CRLF1: variants seen among roughly 807,000 people sequenced by gnomAD.
CRLF1 encodes the protein cytokine receptor like factor 1, also known as cytokine receptor-like factor 1.
A neutral mutation model predicts 48.9 loss-of-function variants in CRLF1; 36 were observed. The ratio of observed to expected loss-of-function variants is 0.74; its 90% confidence interval spans 0.56 to 0.97. The LOEUF (loss-of-function observed/expected upper bound fraction) is 0.97. CRLF1 is among the 50% of genes least tolerant of loss of function. The pLI is 0.00. For synonymous variants in CRLF1, 256 were observed against 253.4 expected, an observed-to-expected ratio of 1.01 and a Z score of -0.10; for missense variants, 534 against 575.1, an observed-to-expected ratio of 0.93 and a Z score of 0.73.
chr19:18,593,478 C>T lies in CRLF1; in HGVS notation c.*88G>A. The T allele has an allele frequency of 6.3e-7, 1 of 1,576,598 alleles. No individual in the cohort carries two copies. The highest frequency in any genetic ancestry group is 8.6e-7 in the Non-Finnish European group (1 of 1,159,094). ...CTCCTGCTGAGGGTGGCTCAGGTGC[C>T]CTGAAGTGAGGGTACAGAGGTGGCC... On this transcript the variant is annotated 3_prime_UTR_variant, in exon 9 of 9. Transcript: ENST00000392386.
In CRLF1 at chr19:18,596,653, G is replaced by C; in HGVS notation, c.993C>G (p.Ser331Arg). Residue 331 changes from serine to arginine, a missense_variant, in exon 6 of 9, where the codon AGC becomes AGG. This residue lies in a region of CRLF1 where 528 missense variants were observed against 555.7 expected (regional missense o/e 0.95). Coordinates refer to ENST00000392386, the MANE Select transcript of CRLF1 (RefSeq NM_004750.5). The part of the protein sequence containing the change: ...SKKAGIWSEW[S>R]HPTAASTPRS... ...GGGGAGTGGAGGCGGCTGTGGGGTG[G>C]CTCCACTCACTCCAGATCCCGGCTT... The C allele has an allele frequency of 6.2e-7, 1 of 1,613,838 alleles. No homozygotes were observed.
rs572284857 is a variant in CRLF1 at position 18,593,493 on chromosome 19, C to A, written c.*73G>T. ...GCTCAGGTGCCCTGAAGTGAGGGTA[C>A]AGAGGTGGCCCCAGTTTGGGTTCGG... On this transcript the variant is annotated 3_prime_UTR_variant, in exon 9 of 9. Transcript: ENST00000392386. The A allele has an allele frequency of 1.1e-5, 18 of 1,595,086 alleles. No individual in the cohort carries two copies. In the East Asian group the frequency reaches 4.1e-4, roughly 36 times the overall value.
At chr19:18,605,078 G>A (rs1847497235) in intron 1 of CRLF1, among the ~76,000 whole-genome samples, 2 of 152,136 alleles carry the variant, frequency 1.3e-5, no homozygotes. Flanking sequence ...GAAACATATT[G>A]CCGAGGTGTG....
intron 1 of CRLF1, among the ~76,000 whole-genome samples, chr19:18,603,951 G>A (rs1341458090): frequency 3.3e-5 from 5 of 152,228 alleles, no homozygotes; most frequent in South Asian, 4.1e-4. Flanking sequence ...CCAGCCGCCC[G>A]CTAATTCGGA....
Position 18,599,638 on chromosome 19 carries a change from C to T in CRLF1, c.324G>A (p.Gln108=). ...GGCACACGAGGTTGTCCCCCGACCGCTGCCTGGACCCATTGAGGTTGGCCA... is the reference window on the plus strand; with the variant it reads ...GGCACACGAGGTTGTCCCCCGACCGTTGCCTGGACCCATTGAGGTTGGCCA... The part of the protein sequence containing the change: ...LALANLNGSR[Q]RSGDNLVCHA... The change falls in exon 2 of 9, where the codon CAG becomes CAA. Residue 108 remains glutamine (Q), a synonymous_variant. Coordinates refer to ENST00000392386, the MANE Select transcript of CRLF1 (RefSeq NM_004750.5). The T allele has an allele frequency of 6.2e-7, 1 of 1,613,528 alleles. No homozygotes were observed. The highest frequency in any genetic ancestry group is 8.5e-7 in the Non-Finnish European group (1 of 1,179,982).
At position 18,594,361 on chromosome 19, in the gene CRLF1, C is replaced by T; in HGVS notation, c.1098G>A (p.Glu366=). 3 of 1,610,450 alleles carry T rather than the reference C, an allele frequency of 1.9e-6. No homozygotes were observed. The highest frequency in any genetic ancestry group is 2.5e-6 in the Non-Finnish European group (3 of 1,178,836). The change falls in exon 7 of 9, where the codon GAG becomes GAA. Residue 366 remains glutamate, a synonymous_variant. Coordinates refer to ENST00000392386, the MANE Select transcript of CRLF1 (RefSeq NM_004750.5). ...GEPSSGPVRR[E]LKQFLGWLKK... ...TGAGCCAGCCCAGGAACTGCTTGAGCTCGCGCCGCACCGGCCCCGAGCTCG... is the reference window on the plus strand; with the variant it reads ...TGAGCCAGCCCAGGAACTGCTTGAGTTCGCGCCGCACCGGCCCCGAGCTCG...
chr19:18,593,704 G>A lies in CRLF1; in HGVS notation c.1256-125C>T, dbSNP rs565001675. ...TTCTGGCTGTGTGACTTTGGGCAGG[G>A]TCCTGCCCCTCTCCGGGCCTTGGCG... On this transcript the variant is annotated intron_variant, in intron 8 of 8. Coordinates refer to ENST00000392386, the MANE Select transcript of CRLF1 (RefSeq NM_004750.5). The A allele has an allele frequency of 4.6e-6, 7 of 1,530,372 alleles. 1 individual carries two copies. Among genetic ancestry groups the A allele is most frequent in the Non-Finnish European group, 5.3e-6 (6 of 1,134,026 alleles). 94.8% of individuals were successfully genotyped at this position (1,530,372 alleles called of 1,614,324 possible). A position where few individuals can be genotyped will look rare whatever the true frequency, so the allele number is the denominator to read the frequency against.
intron 1 of CRLF1, among the ~76,000 whole-genome samples, chr19:18,602,765 G>A (rs1009439065): frequency 1.3e-5 from 2 of 151,646 alleles, no homozygotes; most frequent in African/African-American, 4.8e-5. Flanking sequence ...AATGCCCCCA[G>A]CCTGACTCAG....
At chr19:18,602,907 C>T (rs980415352) in intron 1 of CRLF1, among the ~76,000 whole-genome samples, 19 of 152,148 alleles carry the variant, frequency 1.2e-4, no homozygotes, top group African/African-American at 4.1e-4. Flanking sequence ...GACGGAGTTT[C>T]GCCATGTTGG....
Position 18,606,555 on chromosome 19 carries a change from G to T in CRLF1, c.102C>A (p.Ala34=), listed in dbSNP as rs1439161113. The change falls in exon 1 of 9, where the codon GCC becomes GCA. Residue 34 remains alanine, a synonymous_variant. Transcript: ENST00000392386. The surrounding 1 kb of genome is among the most constrained non-coding windows in gnomAD (Gnocchi z 4.8). The stretch of plus-strand genomic sequence containing the variant: ...CCGGGTACTCACGGGCTCCTGATCC[G>T]GCTCGCGGCGCCCCGAGGACGCAGA... ...LLLCVLGAPR[A]GSGAHTAVIS... 3.5e-6 allele frequency: 4 copies of T among 1,151,596 alleles called. No individual in the cohort carries two copies. The highest frequency in any genetic ancestry group is 4.3e-6 in the Non-Finnish European group (4 of 937,538). The allele number at this position is 1,151,596 out of a possible 1,614,324, so 71.3% of individuals were successfully genotyped here.
At chr19:18,598,400 A>G in intron 4 of CRLF1, 32 bp downstream of exon 4, 1 of 1,589,000 alleles carries the variant, frequency 6.3e-7, no homozygotes, top group Non-Finnish European at 8.6e-7. Flanking sequence ...GCTGGTGCCG[A>G]GGGAGGGGCC....
chr19:18,597,110 A>T, intron 4 of CRLF1, 61 bp from the exon 5 acceptor site: 1 of 1,554,070 alleles, frequency 6.4e-7, no homozygotes, highest in South Asian at 1.2e-5. Flanking sequence ...TCCCCCCAGC[A>T]GTGTGGCCCA....
At chr19:18,597,653 C>T (rs1250818815) in intron 4 of CRLF1, among the ~76,000 whole-genome samples, 3 of 151,944 alleles carry the variant, frequency 2.0e-5, no homozygotes, top group African/African-American at 4.8e-5. Context: ...GGGATGGTCT[C>T]GATCTCCTGA....
In CRLF1 at chr19:18,594,085, C is replaced by T; in HGVS notation, c.1235G>A (p.Gly412Asp). Residue 412 changes from glycine to aspartate, a missense_variant, in exon 8 of 9, where the codon GGC (glycine) becomes GAC (aspartate). Transcript: ENST00000392386. Reference protein sequence around the residue: ...RNQDEGILPSGRRGTARGPAR With the variant: ...RNQDEGILPSDRRGTARGPAR ...CTTACCTCTCGCCGTGCCCCGTCTG[C>T]CCGAGGGCAGGATCCCCTCGTCCTG... The T allele has an allele frequency of 4.5e-6, 7 of 1,542,326 alleles. No homozygotes were observed. Among genetic ancestry groups the T allele is most frequent in the Non-Finnish European group, 6.1e-6 (7 of 1,144,182 alleles).
rs774598847 is a variant in CRLF1 at position 18,599,704 on chromosome 19, C to T, written c.258G>A (p.Glu86=). 9.9e-6 allele frequency: 16 copies of T among 1,611,460 alleles called. No homozygotes were observed. Residue 86 remains glutamate, a synonymous_variant, in exon 2 of 9, where the codon GAG becomes GAA. Transcript: ENST00000392386. ...WTLNGRRLPP[E]LSRVLNASTL... is the part of the protein sequence containing the mutation. ...TGGAGGCGTTGAGTACACGGGAGAG[C>T]TCAGGGGGCAGGCGGCGCCCGTTGA...
chr19:18,596,879 A>T lies in CRLF1; in HGVS notation c.855+13T>A. 13 of 1,613,902 alleles carry T rather than the reference A, an allele frequency of 8.1e-6. No homozygotes were observed. The highest frequency in any genetic ancestry group is 1.1e-5 in the Non-Finnish European group (13 of 1,179,962). ...GAAGGAACAGGGGCGGAGTCAGGGA[A>T]GGGGAGGGTCACCTTCCAGTCCACA... On this transcript the variant is annotated intron_variant, in intron 5 of 8. Coordinates refer to ENST00000392386, the MANE Select transcript of CRLF1 (RefSeq NM_004750.5).
At chr19:18,594,030 G>GCGGGGGGGGCCCCCCCC in intron 8 of CRLF1, 35 bp downstream of exon 8, 8 of 1,315,296 alleles carry the variant, frequency 6.1e-6, no homozygotes, top group East Asian at 2.6e-5. Context: ...CCCTCCCCTT[G>GCGGGGGGGGCCCCCCCC]CTCCCTCCCG....
Position 18,596,906 on chromosome 19 carries a change from T to A in CRLF1, c.841A>T (p.Ser281Cys), listed in dbSNP as rs752630628. Reference protein sequence around the residue: ...KYQIRYRVEDSVDWKVVDDVS... With the variant: ...KYQIRYRVEDCVDWKVVDDVS... ...GGGAGGGTCACCTTCCAGTCCACAC[T>A]GTCCTCCACTCGGTAGCGGATCTGG... The change falls in exon 5 of 9, where the codon AGT becomes TGT. Residue 281 changes from serine (S) to cysteine (C), a missense_variant. Ser to Cys is a moderately radical substitution (Grantham distance 112, BLOSUM62 -1). This residue lies in a region of CRLF1 where 528 missense variants were observed against 555.7 expected (regional missense o/e 0.95). Transcript: ENST00000392386. 6.2e-7 allele frequency: 1 copy of A among 1,614,072 alleles called. No homozygotes were observed. The highest frequency in any genetic ancestry group is 2.2e-5 in the East Asian group (1 of 44,878).
In CRLF1 at chr19:18,603,839, G is replaced by A. The variant is rs59026635; in HGVS notation, c.115+2703C>T. On this transcript the variant is annotated intron_variant, in intron 1 of 8. Transcript: ENST00000392386. ...GGGCTCGCCGGAGGTCTCCGCGTCC[G>A]TGCGAAGGAGCCGGCTGAGCGGGCC... is the stretch of plus-strand genomic sequence containing the variant. 9.9e-3 allele frequency among the ~76,000 whole-genome samples: 1,496 copies of A among 151,530 alleles called. 23 individuals carry two copies. The highest frequency in any genetic ancestry group is 0.032 in the African/African-American group (1,321 of 41,298).
Sources: allele counts gnomAD v4.1 joint callset (sites outside exome capture counted in the v4.1 genomes callset), GRCh38; gene constraint gnomAD v4.1.1; regional missense constraint gnomAD v4.1.1; non-coding constraint Gnocchi (gnomAD v3.1); transcripts MANE v1.5; gene names NCBI Gene and HGNC (gene_info 2026-07-23, HGNC 2026-07-21).